The following SUGCT variants were observed in gnomAD, a reference collection of about 807,000 sequenced individuals.
SUGCT encodes the protein succinyl-CoA:glutarate CoA-transferase.
SUGCT carries 41 observed loss-of-function variants against 55.0 expected under a neutral mutation model. The observed-to-expected ratio is 0.74, with a 90% CI of 0.58 to 0.97. The LOEUF (loss-of-function observed/expected upper bound fraction) is 0.97, where lower values mean the gene tolerates loss of function less well. SUGCT is among the 50% of genes least tolerant of loss of function. The pLI is 0.00. For synonymous variants in SUGCT, 187 were observed against 200.4 expected, an observed-to-expected ratio of 0.93 and a Z score of 0.56; for missense variants, 568 against 547.8, an observed-to-expected ratio of 1.04 and a Z score of -0.37.
chr7:40,245,404 C>CACATATATATATATATATAT (rs1252155153), intron 7 of SUGCT, among the ~76,000 whole-genome samples: 34 of 53,314 alleles, frequency 6.4e-4, no homozygotes, highest in African/African-American at 3.0e-3. Flanking sequence ...ACGTAGTAGA[C>CACATATATATATATATATAT]ATATATATAT....
chr7:40,485,212 A>G (rs1481260867), intron 11 of SUGCT, among the ~76,000 whole-genome samples: 2 of 151,822 alleles, frequency 1.3e-5, no homozygotes, highest in African/African-American at 2.4e-5. Context: ...TTCAAAACTC[A>G]TGTGTATTGT....
chr7:40,309,709 G>A (rs974651940), intron 8 of SUGCT, among the ~76,000 whole-genome samples: 1 of 151,968 alleles, frequency 6.6e-6, no homozygotes, highest in Non-Finnish European at 1.5e-5. Flanking sequence ...TATAAGACTG[G>A]GAAAGGAAAT....
chr7:40,169,836 T>C (rs1784590017), intron 1 of SUGCT, among the ~76,000 whole-genome samples: 1 of 152,094 alleles, frequency 6.6e-6, no homozygotes, highest in Admixed American at 6.6e-5. Flanking sequence ...TTTCTAAGTT[T>C]TGCTCCGGGC....
intron 11 of SUGCT, among the ~76,000 whole-genome samples, chr7:40,466,501 C>T (rs971976497): frequency 1.3e-5 from 2 of 152,198 alleles, no homozygotes; most frequent in African/African-American, 2.4e-5. Flanking sequence ...AGCATCTACC[C>T]CACTCAACTT....
At chr7:40,182,704 C>G (rs1286426180) in intron 3 of SUGCT, among the ~76,000 whole-genome samples, 1 of 152,130 alleles carries the variant, frequency 6.6e-6, no homozygotes, top group Admixed American at 6.6e-5. Flanking sequence ...TGGGCTGATG[C>G]TATTATTCAT....
intron 12 of SUGCT, among the ~76,000 whole-genome samples, chr7:40,747,818 T>C (rs1787807012): frequency 6.6e-6 from 1 of 152,212 alleles, no homozygotes; most frequent in Admixed American, 6.5e-5. Context: ...GTTGCATTTT[T>C]ATTTGCGTAT....
the SUGCT span, among the ~76,000 whole-genome samples, chr7:40,985,088 A>G: frequency 6.6e-6 from 1 of 152,180 alleles, no homozygotes; most frequent in Non-Finnish European, 1.5e-5. Flanking sequence ...TCTTGGGTGT[A>G]TGTTTTAACT....
rs554100193 is a variant in SUGCT at position 40,362,839 on chromosome 7, ATTAGAATGTGGCTT to A, written c.816+45989_816+46002del. 6.0e-4 allele frequency among the ~76,000 whole-genome samples: 91 copies of A among 152,322 alleles called. 1 individual carries two copies. The East Asian group carries it at 0.014, about 24-fold the overall frequency. On this transcript the variant is annotated intron_variant, in intron 9 of 13. Coordinates refer to ENST00000335693, the MANE Select transcript of SUGCT (RefSeq NM_001193313.2). Reference sequence around the variant, plus strand: ...ATGTAGTCTTGATCTATATGGTGTGATTAGAATGTGGCTTTTAGCCATTCTATTTCTAAAGTGCA... The same window carrying A: ...ATGTAGTCTTGATCTATATGGTGTGATTAGCCATTCTATTTCTAAAGTGCA...
chr7:40,912,037 T>C, the SUGCT span, among the ~76,000 whole-genome samples: 1 of 152,190 alleles, frequency 6.6e-6, no homozygotes, highest in South Asian at 2.1e-4. Flanking sequence ...TTCAAGAAAC[T>C]ATTGGCTTTT....
chr7:40,403,667 C>CTT (rs1333430614), intron 9 of SUGCT, among the ~76,000 whole-genome samples: 1 of 152,118 alleles, frequency 6.6e-6, no homozygotes, highest in Non-Finnish European at 1.5e-5. Context: ...GTAATTAAAA[C>CTT]TTTGAGTTTC....
chr7:40,945,015 T>A, the SUGCT span, among the ~76,000 whole-genome samples: 1 of 152,052 alleles, frequency 6.6e-6, no homozygotes, highest in African/African-American at 2.4e-5. Flanking sequence ...TGGTGTACAT[T>A]TATTTGTTTA....
intron 13 of SUGCT, among the ~76,000 whole-genome samples, chr7:40,768,982 T>C (rs1461018142): frequency 6.6e-6 from 1 of 151,980 alleles, no homozygotes; most frequent in Non-Finnish European, 1.5e-5. Flanking sequence ...TTGACTACAG[T>C]GGTGAATGTA....
At chr7:40,476,031 A>G (rs1790655054) in intron 11 of SUGCT, among the ~76,000 whole-genome samples, 1 of 152,058 alleles carries the variant, frequency 6.6e-6, no homozygotes, top group Non-Finnish European at 1.5e-5. Context: ...TGGGGCTCGT[A>G]CTGTCTCAGT....
chr7:40,350,315 T>C (rs1797552301), intron 9 of SUGCT, among the ~76,000 whole-genome samples: 1 of 143,548 alleles, frequency 7.0e-6, no homozygotes. Flanking sequence ...TTTATTTATT[T>C]ATTTATTTAT....
intron 12 of SUGCT, among the ~76,000 whole-genome samples, chr7:40,648,914 C>G (rs1056391560): frequency 6.6e-6 from 1 of 152,068 alleles, no homozygotes; most frequent in African/African-American, 2.4e-5. Flanking sequence ...TTTAAGCCGC[C>G]TAGTTTGAGG....
At chr7:40,210,498 T>A (rs1198868234) in intron 6 of SUGCT, among the ~76,000 whole-genome samples, 1 of 151,594 alleles carries the variant, frequency 6.6e-6, no homozygotes, top group Non-Finnish European at 1.5e-5. Flanking sequence ...ATATATATAT[T>A]TTGAGACAGT....
intron 1 of SUGCT, among the ~76,000 whole-genome samples, chr7:40,137,018 A>T (rs1303534261): frequency 6.6e-6 from 1 of 152,152 alleles, no homozygotes; most frequent in African/African-American, 2.4e-5. Flanking sequence ...ACTGGAAAAA[A>T]AAAAGGTTCA....
At chr7:40,286,860 CT>C (rs2065781905) in intron 8 of SUGCT, among the ~76,000 whole-genome samples, 1 of 152,098 alleles carries the variant, frequency 6.6e-6, no homozygotes, top group Non-Finnish European at 1.5e-5. Context: ...GAGGGACTTT[CT>C]TGGCAGGACA....
Position 40,392,590 on chromosome 7 carries a change from G to C in SUGCT, c.817-56697G>C, listed in dbSNP as rs146356860. ...GAGGTCCAAATTTTTGAGAATCTGT[G>C]TTAAAAAGCTTGGGCATTATCTTGT... is the stretch of plus-strand genomic sequence containing the variant. On this transcript the variant is annotated intron_variant, in intron 9 of 13. Coordinates refer to ENST00000335693, the MANE Select transcript of SUGCT (RefSeq NM_001193313.2). Among the ~76,000 whole-genome samples, 913 of 152,218 alleles carry C rather than the reference G, an allele frequency of 6.0e-3. 41 individuals are homozygous for C. The highest frequency in any genetic ancestry group is 0.055 in the Admixed American group (834 of 15,266).
Sources: gnomAD v4.1 joint callset for allele counts (sites outside exome capture counted in the v4.1 genomes callset) on GRCh38, gnomAD v4.1.1 for gene constraint, MANE v1.5 for transcripts, NCBI Gene and HGNC (gene_info 2026-07-23, HGNC 2026-07-21) for gene names.